The following AP1G1 variants were observed in gnomAD, a reference collection of about 807,000 sequenced individuals.
AP1G1 encodes the protein adaptor related protein complex 1 subunit gamma 1.
In AP1G1, 7 loss-of-function variants were observed where a neutral mutation model predicts 108.3. That is an observed-to-expected ratio of 0.06 (90% CI 0.04 to 0.12). The LOEUF (loss-of-function observed/expected upper bound fraction) is 0.12, where lower values mean the gene tolerates loss of function less well. Ranked by LOEUF, AP1G1 falls within the 10% of genes least tolerant of loss-of-function variation. The probability of loss-of-function intolerance (pLI) is 1.00; values close to 1 mark genes in which losing one functional copy is unlikely to be tolerated. For missense variants in AP1G1, 756 were observed against 1,010.7 expected, an observed-to-expected ratio of 0.75 and a Z score of 3.42; for synonymous variants, 379 against 353.5, an observed-to-expected ratio of 1.07 and a Z score of -0.81.
In AP1G1 at chr16:71,738,933, T is replaced by A; in HGVS notation, c.2268+9A>T. The A allele has an allele frequency of 2.5e-6, 4 of 1,607,874 alleles. No homozygotes were observed. Among genetic ancestry groups the A allele is most frequent in the Non-Finnish European group, 3.4e-6 (4 of 1,176,820 alleles). On this transcript the variant is annotated intron_variant, in intron 21 of 22. Coordinates refer to ENST00000299980, the MANE Select transcript of AP1G1 (RefSeq NM_001128.6). ...TCAAAGGAAACATCTAAAGAAGACA[T>A]TGTAGTACCTTTGGTACTGCAGCTT...
chr16:71,764,047 TACAGTGG>T (rs2031214197), intron 9 of AP1G1, among the ~76,000 whole-genome samples: 1 of 152,174 alleles, frequency 6.6e-6, no homozygotes, highest in Non-Finnish European at 1.5e-5. Context: ...ATAATGACTT[TACAGTGG>T]ACAGACCCAG....
chr16:71,753,270 G>C (rs2030603160), intron 13 of AP1G1, among the ~76,000 whole-genome samples: 1 of 152,154 alleles, frequency 6.6e-6, no homozygotes, highest in African/African-American at 2.4e-5. Context: ...ATCCAAAACA[G>C]GATTTCAAAT....
At chr16:71,751,455 T>G (rs1033299131) in intron 13 of AP1G1, 4 of 146,888 alleles carry the variant, frequency 2.7e-5, no homozygotes, top group Admixed American at 6.9e-5. Context: ...ATGTGTATTT[T>G]GGAAAGGAAA....
At chr16:71,771,951 T>C (rs2031587931) in intron 4 of AP1G1, among the ~76,000 whole-genome samples, 1 of 152,186 alleles carries the variant, frequency 6.6e-6, no homozygotes, top group African/African-American at 2.4e-5. Context: ...ATGGTTTTAC[T>C]AGCTTGTTCA....
rs762919438 is a variant in AP1G1 at position 71,745,496 on chromosome 16, A to T, written c.1849T>A (p.Ser617Thr). ...ACCTGGCTGGTGGGCTGTGGCCCAG[A>T]GGGTGGCGGTTTGGTCTCTAGTGGA... ...PAPLETKPPP[S>T]GPQPTSQAND... Residue 617 changes from serine (S) to threonine (T), a missense_variant, in exon 18 of 23, where the codon TCT (serine) becomes ACT (threonine). Physicochemically the swap from Ser to Thr is moderately conservative, Grantham distance 58 (BLOSUM62 1). This residue lies in a region of AP1G1 where 357 missense variants were observed against 366.5 expected (regional missense o/e 0.97). Transcript: ENST00000299980. 1.2e-6 allele frequency: 2 copies of T among 1,614,176 alleles called. No homozygotes were observed. The highest frequency in any genetic ancestry group is 1.7e-5 in the Admixed American group (1 of 60,012).
In AP1G1 at chr16:71,794,835, C is replaced by CTTTTCTTTTTTTTTTTTTTTTTTTTTTT. The variant is rs2032522793; in HGVS notation, c.-3-5354_-3-5353insAAAAAAAAAAAAAAAAAAAAAAAGAAAA. 1.8e-4 allele frequency among the ~76,000 whole-genome samples: 7 copies of CTTTTCTTTTTTTTTTTTTTTTTTTTTTT among 39,658 alleles called. 2 individuals carry two copies. Among genetic ancestry groups the CTTTTCTTTTTTTTTTTTTTTTTTTTTTT allele is most frequent in the African/African-American group, 7.3e-4 (7 of 9,548 alleles). The allele number at this position is 39,658 out of a possible 152,430, so 26.0% of individuals were successfully genotyped here. Reference sequence around the variant, plus strand: ...TACCATTCTCAGGCCATGAGAAGTGCTTTTTTTTTTTTTTTTTTTTTTTTT... The same window carrying CTTTTCTTTTTTTTTTTTTTTTTTTTTTT: ...TACCATTCTCAGGCCATGAGAAGTGCTTTTCTTTTTTTTTTTTTTTTTTTTTTTTTTTTTTTTTTTTTTTTTTTTTTTT... On this transcript the variant is annotated intron_variant, in intron 1 of 22. Transcript: ENST00000299980.
At chr16:71,743,971 GA>G (rs1300032718) in intron 19 of AP1G1, among the ~76,000 whole-genome samples, 1 of 145,170 alleles carries the variant, frequency 6.9e-6, no homozygotes, top group Non-Finnish European at 1.5e-5. Flanking sequence ...AAGGCCAGGC[GA>G]AGTGGCTCAC....
At chr16:71,761,816 CAAAAAAAAAAAA>C (rs375647068) in intron 9 of AP1G1, among the ~76,000 whole-genome samples, 4 of 44,872 alleles carry the variant, frequency 8.9e-5, no homozygotes, top group South Asian at 9.4e-4. Flanking sequence ...GACTCCATCT[CAAAAAAAAAAAA>C]AAAAAAAAAA....
Position 71,779,584 on chromosome 16 carries a change from G to A in AP1G1, c.202-4992C>T, listed in dbSNP as rs554319325. Among the ~76,000 whole-genome samples the A allele has an allele frequency of 6.6e-5, 10 of 152,112 alleles. 1 individual carries two copies. Among genetic ancestry groups the A allele is most frequent in the Non-Finnish European group, 1.5e-4 (10 of 67,994 alleles). On this transcript the variant is annotated intron_variant, in intron 2 of 22. Transcript: ENST00000299980. ...TCAAACTCCTGGCTTCAAGTGATCTGCCCACCTCGCCTCCCAAAGCACTGG... is the reference window on the plus strand; with the variant it reads ...TCAAACTCCTGGCTTCAAGTGATCTACCCACCTCGCCTCCCAAAGCACTGG...
chr16:71,743,898 A>G (rs1046868042), intron 19 of AP1G1, among the ~76,000 whole-genome samples: 2 of 145,178 alleles, frequency 1.4e-5, no homozygotes, highest in Admixed American at 7.1e-5. Context: ...GTGAGCCGAG[A>G]TCATGCTACT....
At chr16:71,781,345 A>G (rs2032008212) in intron 2 of AP1G1, among the ~76,000 whole-genome samples, 1 of 152,212 alleles carries the variant, frequency 6.6e-6, no homozygotes, top group Non-Finnish European at 1.5e-5. Context: ...GAAAATTATG[A>G]AATATTCCAC....
At chr16:71,778,968 C>T (rs745716738) in intron 2 of AP1G1, among the ~76,000 whole-genome samples, 1 of 152,178 alleles carries the variant, frequency 6.6e-6, no homozygotes, top group Admixed American at 6.5e-5. Flanking sequence ...CTTAAAGCGA[C>T]TTGAAAAACC....
At chr16:71,801,519 G>A (rs917780337) in intron 1 of AP1G1, among the ~76,000 whole-genome samples, 1 of 152,174 alleles carries the variant, frequency 6.6e-6, no homozygotes, top group African/African-American at 2.4e-5. Flanking sequence ...GACTGTCATA[G>A]AACAGATGAT....
At chr16:71,776,793 C>G (rs577130875) in intron 2 of AP1G1, among the ~76,000 whole-genome samples, 1 of 151,724 alleles carries the variant, frequency 6.6e-6, no homozygotes, top group East Asian at 1.9e-4. Flanking sequence ...TTTTTTTGCA[C>G]GACCATTTCT....
rs552387305 is a variant in AP1G1, at chr16:71,797,753, C to T, written c.-3-8271G>A. ...GGCGGGGATTGCAGTGACCTGAGAT[C>T]GTGCCACTGCACTCCAGCCTGGGCG... On this transcript the variant is annotated intron_variant, in intron 1 of 22. Coordinates refer to ENST00000299980, the MANE Select transcript of AP1G1 (RefSeq NM_001128.6). 2.6e-5 allele frequency among the ~76,000 whole-genome samples: 4 copies of T among 152,050 alleles called. No individual in the cohort carries two copies. The South Asian group carries it at 8.3e-4, about 32-fold the overall frequency.
In AP1G1 at chr16:71,764,061, C is replaced by CCTCT. The variant is rs1402417121; in HGVS notation, c.918+288_918+289insAGAG. Among the ~76,000 whole-genome samples the CCTCT allele has an allele frequency of 3.2e-3, 487 of 152,036 alleles. 2 individuals are homozygous for CCTCT. Among genetic ancestry groups the CCTCT allele is most frequent in the Non-Finnish European group, 5.3e-3 (358 of 67,966 alleles). On this transcript the variant is annotated intron_variant, in intron 9 of 22. Transcript: ENST00000299980. ...AATAATGACTTTACAGTGGACAGAC[C>CCTCT]CAGCAGACACCATCTCAACCAAATG...
At chr16:71,789,789 C>T (rs1026490385) in intron 1 of AP1G1, among the ~76,000 whole-genome samples, 2 of 152,186 alleles carry the variant, frequency 1.3e-5, no homozygotes, top group African/African-American at 4.8e-5. Context: ...GAAACTAATA[C>T]AACTCAAATC....
chr16:71,795,733 C>T (rs1291697855), intron 1 of AP1G1, among the ~76,000 whole-genome samples: 2 of 152,200 alleles, frequency 1.3e-5, no homozygotes, highest in Non-Finnish European at 2.9e-5. Flanking sequence ...CTTTACAATA[C>T]ATCTTATTCT....
chr16:71,789,333 A>G lies in AP1G1; in HGVS notation c.147T>C (p.Asn49=), dbSNP rs762840922. The change falls in exon 2 of 23, where the codon AAT becomes AAC. Residue 49 remains asparagine (N), a synonymous_variant. Coordinates refer to ENST00000299980, the MANE Select transcript of AP1G1 (RefSeq NM_001128.6). ...REEDNTYRCR[N]VAKLLYMHML... Reference sequence around the variant, plus strand: ...TGTGCATATACAGTAATTTTGCCACATTCCGACATCGGTATGTATTGTCTT... The same window carrying G: ...TGTGCATATACAGTAATTTTGCCACGTTCCGACATCGGTATGTATTGTCTT... 4 of 1,614,256 alleles carry G rather than the reference A, an allele frequency of 2.5e-6. No individual in the cohort carries two copies. The highest frequency in any genetic ancestry group is 3.4e-6 in the Non-Finnish European group (4 of 1,180,050).
Sources: allele counts gnomAD v4.1 joint callset (sites outside exome capture counted in the v4.1 genomes callset), GRCh38; gene constraint gnomAD v4.1.1; regional missense constraint gnomAD v4.1.1; transcripts MANE v1.5; gene names NCBI Gene and HGNC (gene_info 2026-07-23, HGNC 2026-07-21).